The following EPHA6 variants were observed in gnomAD, a reference collection of about 807,000 sequenced individuals.
EPHA6 encodes the protein ephrin type-A receptor 6.
EPHA6 carries 50 observed loss-of-function variants against 112.0 expected under a neutral mutation model. The observed-to-expected ratio is 0.45, with a 90% confidence interval of 0.36 to 0.56. EPHA6 has a LOEUF of 0.56. Ranked by LOEUF, EPHA6 falls within the 20% of genes least tolerant of loss-of-function variation. The pLI is 0.00. For synonymous variants in EPHA6, 529 were observed against 490.7 expected, an observed-to-expected ratio of 1.08 and a Z score of -1.03; for missense variants, 1,280 against 1,417.4, an observed-to-expected ratio of 0.90 and a Z score of 1.56.
chr3:97,148,839 T>C (rs1280989140), intron 3 of EPHA6, among the ~76,000 whole-genome samples: 4 of 152,110 alleles, frequency 2.6e-5, no homozygotes, highest in African/African-American at 9.7e-5. Context: ...AAACATTCCA[T>C]TTCCTTATAT....
intron 14 of EPHA6, among the ~76,000 whole-genome samples, chr3:97,649,990 CT>C (rs751294334): frequency 7.2e-4 from 110 of 152,190 alleles, no homozygotes; most frequent in Non-Finnish European, 1.2e-3. Flanking sequence ...TTTTTATATA[CT>C]TTCTTCAATA....
rs368778044 is a variant in EPHA6 at position 97,258,251 on chromosome 3, T to TACAC, written c.1606+13984_1606+13987dup. ...GTGATTGTGTATGAGTATATATATATACACACACACACACACACACACATA... is the reference window on the plus strand; with the variant it reads ...GTGATTGTGTATGAGTATATATATATACACACACACACACACACACACACACATA... On this transcript the variant is annotated intron_variant, in intron 5 of 17. Transcript: ENST00000389672. Among the ~76,000 whole-genome samples the TACAC allele has an allele frequency of 8.4e-4, 124 of 147,436 alleles. 1 individual carries two copies. Among genetic ancestry groups the TACAC allele is most frequent in the African/African-American group, 2.7e-3 (105 of 39,450 alleles).
At chr3:97,735,884 G>C in intron 15 of EPHA6, 41 bp from the exon 16 acceptor site, 4 of 1,431,444 alleles carry the variant, frequency 2.8e-6, no homozygotes, top group Non-Finnish European at 3.8e-6. Context: ...ATGTATTACT[G>C]CCTAAAAATA....
At chr3:97,746,164 G>A (rs1462915987) in intron 16 of EPHA6, among the ~76,000 whole-genome samples, 2 of 151,786 alleles carry the variant, frequency 1.3e-5, no homozygotes, top group Admixed American at 6.6e-5. Context: ...GTAAATGAAA[G>A]TTGAACTAAC....
chr3:97,161,991 G>T (rs2076426886), intron 3 of EPHA6, among the ~76,000 whole-genome samples: 1 of 152,154 alleles, frequency 6.6e-6, no homozygotes, highest in South Asian at 2.1e-4. Context: ...GGCCCTTATT[G>T]ATAGGGATTT....
chr3:97,201,789 A>G (rs1399926949), intron 3 of EPHA6, among the ~76,000 whole-genome samples: 2 of 152,102 alleles, frequency 1.3e-5, no homozygotes, highest in Non-Finnish European at 2.9e-5. Flanking sequence ...TTCCAACCTT[A>G]ATTAAGAAAG....
chr3:97,322,891 G>A (rs1346761526), intron 5 of EPHA6, among the ~76,000 whole-genome samples: 1 of 151,920 alleles, frequency 6.6e-6, no homozygotes, highest in Non-Finnish European at 1.5e-5. Context: ...ACATTGCCTA[G>A]TATATTATTT....
At chr3:97,100,395 TAAC>T (rs1402620321) in intron 3 of EPHA6, among the ~76,000 whole-genome samples, 1 of 97,308 alleles carries the variant, frequency 1.0e-5, no homozygotes, top group Non-Finnish European at 1.8e-5. Context: ...GACATAATAA[TAAC>T]AATCATATTT....
chr3:97,507,140 A>G (rs1422772407), intron 10 of EPHA6, among the ~76,000 whole-genome samples: 1 of 152,042 alleles, frequency 6.6e-6, no homozygotes, highest in Non-Finnish European at 1.5e-5. Flanking sequence ...CTCTCTTCCT[A>G]TTGAATACCC....
intron 14 of EPHA6, among the ~76,000 whole-genome samples, chr3:97,645,199 T>C (rs1157259052): frequency 6.6e-6 from 1 of 151,082 alleles, no homozygotes; most frequent in Non-Finnish European, 1.5e-5. Flanking sequence ...CATGCTGCTA[T>C]AAAGACACAT....
intron 6 of EPHA6, among the ~76,000 whole-genome samples, chr3:97,443,185 C>A (rs776751688): frequency 6.6e-6 from 1 of 151,774 alleles, no homozygotes; most frequent in Non-Finnish European, 1.5e-5. Flanking sequence ...GACAGAGAGG[C>A]AGGGTGAGGA....
intron 11 of EPHA6, among the ~76,000 whole-genome samples, chr3:97,588,696 A>G (rs1331182679): frequency 6.6e-6 from 1 of 152,202 alleles, no homozygotes; most frequent in African/African-American, 2.4e-5. Flanking sequence ...ATTTATAATC[A>G]TTTGCTACAT....
chr3:96,917,482 A>G (rs1251243617), intron 2 of EPHA6, among the ~76,000 whole-genome samples: 3 of 151,708 alleles, frequency 2.0e-5, no homozygotes, highest in Admixed American at 1.3e-4. Flanking sequence ...CTCCAGTACA[A>G]TTCCTAATAG....
At position 97,244,144 on chromosome 3, in the gene EPHA6, G is replaced by A; in HGVS notation, c.1463G>A (p.Gly488Asp). ...CTCCGCTTCATCCCAAGACATACAG[G>A]CCTGATCAACAATTCCGTGATAGTA... ...GGLRFIPRHT[G>D]LINNSVIVLD... The change falls in exon 5 of 18, where the codon GGC becomes GAC. Residue 488 changes from glycine (G) to aspartate (D), a missense_variant. By Grantham distance (94) the Gly-to-Asp change is moderately conservative. This residue lies in a region of EPHA6 where 878 missense variants were observed against 999.7 expected (regional missense o/e 0.88). Transcript: ENST00000389672. 1 of 1,613,014 alleles carries A rather than the reference G, an allele frequency of 6.2e-7. No homozygotes were observed. Among genetic ancestry groups the A allele is most frequent in the Non-Finnish European group, 8.5e-7 (1 of 1,179,324 alleles).
intron 2 of EPHA6, among the ~76,000 whole-genome samples, chr3:96,981,760 A>C (rs879159757): frequency 6.6e-6 from 1 of 151,984 alleles, no homozygotes; most frequent in South Asian, 2.1e-4. Flanking sequence ...CAGAGATTCA[A>C]CTTCTTCCTG....
At chr3:97,413,240 A>G (rs1398332296) in intron 6 of EPHA6, among the ~76,000 whole-genome samples, 2 of 152,022 alleles carry the variant, frequency 1.3e-5, no homozygotes, top group Non-Finnish European at 2.9e-5. Flanking sequence ...TGTAAACCAA[A>G]AAGTGACTGA....
chr3:96,870,804 T>A (rs2036585159), intron 2 of EPHA6, among the ~76,000 whole-genome samples: 1 of 152,042 alleles, frequency 6.6e-6, no homozygotes, highest in Admixed American at 6.6e-5. Flanking sequence ...TTTCCAAAGG[T>A]GAAAATCAAA....
At chr3:96,903,100 C>A (rs1011352931) in intron 2 of EPHA6, among the ~76,000 whole-genome samples, 1 of 152,106 alleles carries the variant, frequency 6.6e-6, no homozygotes. Flanking sequence ...TTGAGGGAGT[C>A]TACCTGATAA....
intron 2 of EPHA6, among the ~76,000 whole-genome samples, chr3:96,927,878 G>T (rs2040119959): frequency 6.6e-6 from 1 of 152,162 alleles, no homozygotes; most frequent in South Asian, 2.1e-4. Flanking sequence ...TATAAACCAA[G>T]GAAGTTTAAT....
Sources: gnomAD v4.1 joint callset for allele counts (sites outside exome capture counted in the v4.1 genomes callset) on GRCh38, gnomAD v4.1.1 for gene constraint, gnomAD v4.1.1 regional missense constraint, MANE v1.5 for transcripts, NCBI Gene and HGNC (gene_info 2026-07-23, HGNC 2026-07-21) for gene names.